KCTD1: variants seen among roughly 807,000 people sequenced by gnomAD.
KCTD1 encodes potassium channel tetramerization domain containing 1, also known as BTB/POZ domain-containing protein KCTD1.
KCTD1 carries 24 observed loss-of-function variants against 66.0 expected under a neutral mutation model. That is an observed-to-expected ratio of 0.36 (90% CI 0.26 to 0.51). KCTD1 has a LOEUF of 0.51. Among genes scored for constraint, KCTD1 ranks in the 20% least tolerant of loss-of-function variants. The pLI is 0.95. For synonymous variants in KCTD1, 511 were observed against 517.2 expected (o/e 0.99, Z 0.16); for missense variants, 943 against 1,205.2 (o/e 0.78, Z 3.22).
At chr18:26,538,563 A>G (rs1439208553) in intron 1 of KCTD1, among the ~76,000 whole-genome samples, 1 of 152,190 alleles carries the variant, frequency 6.6e-6, no homozygotes, top group East Asian at 1.9e-4. Context: ...GCACCTGGAC[A>G]AGCTACTTCC....
At chr18:26,623,147 A>ATCC (rs1389632385) in intron 1 of KCTD1, among the ~76,000 whole-genome samples, 1 of 151,964 alleles carries the variant, frequency 6.6e-6, no homozygotes, top group African/African-American at 2.4e-5. Flanking sequence ...CTCCCTGACT[A>ATCC]TCCCTCCTAC....
chr18:26,603,905 T>C (rs967192219), intron 1 of KCTD1, among the ~76,000 whole-genome samples: 1 of 151,800 alleles, frequency 6.6e-6, no homozygotes, highest in African/African-American at 2.4e-5. Context: ...AATTGACAAA[T>C]GGGATCTAAT....
intron 1 of KCTD1, among the ~76,000 whole-genome samples, chr18:26,538,358 A>G (rs575504809): frequency 1.3e-5 from 2 of 152,292 alleles, no homozygotes; most frequent in South Asian, 4.1e-4. Flanking sequence ...GCCACAGAAC[A>G]TGCAAATCTT....
At position 26,468,509 on chromosome 18, in the gene KCTD1, T is replaced by A. The variant is rs1047534888; in HGVS notation, c.2133+8006A>T. The stretch of plus-strand genomic sequence containing the variant: ...CAATAAACATTCTCCCTAACAAACT[T>A]AGTGAAAGAGATTCTCTCCTCATGC... On this transcript the variant is annotated intron_variant, in intron 3 of 4. Coordinates refer to ENST00000580059, the MANE Select transcript of KCTD1 (RefSeq NM_001142730.3). This position sits in a 1 kb window ranked among gnomAD's most constrained non-coding sequence, Gnocchi z 4.8. Among the ~76,000 whole-genome samples, 2 of 151,944 alleles carry A rather than the reference T, an allele frequency of 1.3e-5. No individual in the cohort carries two copies. The highest frequency in any genetic ancestry group is 4.8e-5 in the African/African-American group (2 of 41,322).
intron 1 of KCTD1, among the ~76,000 whole-genome samples, chr18:26,527,739 G>A (rs534466276): frequency 6.6e-6 from 1 of 152,256 alleles, no homozygotes; most frequent in South Asian, 2.1e-4. Context: ...GTGGTAAATT[G>A]TGCCTTTTTG....
chr18:26,562,448 G>T lies in KCTD1; in HGVS notation c.-15-61198C>A, dbSNP rs560492611. On this transcript the variant is annotated intron_variant, in intron 1 of 4. Transcript: ENST00000317932. Reference sequence around the variant, plus strand: ...CGGTGGGGGGTGGGGGGGTGGGGGCGGGGGGTTCTCCCTATGTTGCCTGGG... The same window carrying T: ...CGGTGGGGGGTGGGGGGGTGGGGGCTGGGGGTTCTCCCTATGTTGCCTGGG... Among the ~76,000 whole-genome samples, 76 of 136,506 alleles carry T rather than the reference G, an allele frequency of 5.6e-4. 2 individuals are homozygous for T. In the East Asian group the frequency reaches 0.014, roughly 26 times the overall value. The allele number at this position is 136,506 out of a possible 152,430, so 89.6% of individuals were successfully genotyped here. A position where few individuals can be genotyped will look rare whatever the true frequency, so the allele number is the denominator to read the frequency against.
chr18:26,542,637 C>T (rs887046970), intron 1 of KCTD1, among the ~76,000 whole-genome samples: 1 of 152,172 alleles, frequency 6.6e-6, no homozygotes, highest in African/African-American at 2.4e-5. Context: ...CCTCGGAAAA[C>T]AAAGGCTTCT....
At chr18:26,504,160 T>G (rs1982910578) in intron 1 of KCTD1, among the ~76,000 whole-genome samples, 1 of 151,984 alleles carries the variant, frequency 6.6e-6, no homozygotes, top group Non-Finnish European at 1.5e-5. Context: ...GCCTCAAACT[T>G]CTGGGATCAA....
At chr18:26,474,197 T>C (rs1981222735) in intron 3 of KCTD1, among the ~76,000 whole-genome samples, 1 of 152,194 alleles carries the variant, frequency 6.6e-6, no homozygotes, top group African/African-American at 2.4e-5. Flanking sequence ...GATACAGATC[T>C]ACCACATCTT....
At chr18:26,569,101 A>G (rs1253937602) in intron 1 of KCTD1, among the ~76,000 whole-genome samples, 1 of 152,198 alleles carries the variant, frequency 6.6e-6, no homozygotes, top group Non-Finnish European at 1.5e-5. Flanking sequence ...TGACCTTTGT[A>G]TGGTGTGTTA....
intron 1 of KCTD1, among the ~76,000 whole-genome samples, chr18:26,646,182 C>G (rs1281107528): frequency 6.6e-6 from 1 of 152,170 alleles, no homozygotes; most frequent in Non-Finnish European, 1.5e-5. Flanking sequence ...ATTGGATTGA[C>G]TATTCCTTTG....
At chr18:26,576,240 A>G (rs1326577892) in intron 1 of KCTD1, among the ~76,000 whole-genome samples, 7 of 152,174 alleles carry the variant, frequency 4.6e-5, no homozygotes, top group Admixed American at 4.6e-4. Context: ...TTAAAGACAA[A>G]AATTGCATTG....
intron 1 of KCTD1, among the ~76,000 whole-genome samples, chr18:26,618,529 C>G (rs984149959): frequency 6.6e-6 from 1 of 152,194 alleles, no homozygotes; most frequent in Admixed American, 6.5e-5. Context: ...TCATCTTTCT[C>G]AGACACCCAG....
intron 1 of KCTD1, among the ~76,000 whole-genome samples, chr18:26,650,505 C>G (rs1382082118): frequency 2.0e-5 from 3 of 152,214 alleles, no homozygotes; most frequent in Non-Finnish European, 1.5e-5. Context: ...CTGAACAACT[C>G]TAGGACTATT....
chr18:26,616,831 G>A (rs1434479175), intron 1 of KCTD1, among the ~76,000 whole-genome samples: 5 of 152,152 alleles, frequency 3.3e-5, no homozygotes, highest in African/African-American at 4.8e-5. Flanking sequence ...TCCATTACTT[G>A]TAATGCAATC....
At chr18:26,581,217 G>A (rs1383930447) in intron 1 of KCTD1, 2 of 152,128 alleles carry the variant, frequency 1.3e-5, no homozygotes, top group Non-Finnish European at 2.9e-5. Context: ...TAGGATATCA[G>A]CTCCATAAGT....
At chr18:26,599,921 A>G in intron 1 of KCTD1, 1 of 1,573,908 alleles carries the variant, frequency 6.4e-7, no homozygotes, top group Non-Finnish European at 8.7e-7. Context: ...TCTTCTAGTC[A>G]GCTTAAGTTT....
rs537957495 is a variant in KCTD1 at position 26,496,562 on chromosome 18, G to T, written c.1988+4510C>A. Among the ~76,000 whole-genome samples, 53 of 152,204 alleles carry T rather than the reference G, an allele frequency of 3.5e-4. No individual in the cohort carries two copies. In the South Asian group the frequency reaches 0.01, roughly 29 times the overall value. Reference sequence around the variant, plus strand: ...ATCTTACATACACATTGGTTAAGAAGAAATACATTACTGATATATGTAATA... The same window carrying T: ...ATCTTACATACACATTGGTTAAGAATAAATACATTACTGATATATGTAATA... On this transcript the variant is annotated intron_variant, in intron 2 of 4. Coordinates refer to ENST00000580059, the MANE Select transcript of KCTD1 (RefSeq NM_001142730.3).
chr18:26,652,573 G>A (rs1247121010), intron 1 of KCTD1, among the ~76,000 whole-genome samples: 2 of 152,132 alleles, frequency 1.3e-5, no homozygotes, highest in East Asian at 3.9e-4. Context: ...CTCAACATAG[G>A]CCTACTTCAA....
Sources: gnomAD v4.1 joint callset for allele counts (sites outside exome capture counted in the v4.1 genomes callset) on GRCh38, gnomAD v4.1.1 for gene constraint, Gnocchi (gnomAD v3.1) non-coding constraint, MANE v1.5 for transcripts, NCBI Gene and HGNC (gene_info 2026-07-23, HGNC 2026-07-21) for gene names.